The following GRIA4 variants were observed in gnomAD, a reference collection of about 807,000 sequenced individuals.
GRIA4 encodes the protein glutamate ionotropic receptor AMPA type subunit 4.
In GRIA4, 34 loss-of-function variants were observed where a neutral mutation model predicts 104.0. The ratio of observed to expected loss-of-function variants is 0.33; its 90% confidence interval spans 0.25 to 0.44. The LOEUF (loss-of-function observed/expected upper bound fraction) is 0.44. Among genes scored for constraint, GRIA4 ranks in the 20% least tolerant of loss-of-function variants. The pLI, the probability that GRIA4 is intolerant of heterozygous loss-of-function variation, is 1.00. For missense variants in GRIA4, 750 were observed against 1,096.5 expected (o/e 0.68, Z 4.46); for synonymous variants, 386 against 381.9 (o/e 1.01, Z -0.13).
rs527379427 is a variant in GRIA4 at position 105,628,219 on chromosome 11, G to T, written c.247+15785G>T. Reference sequence around the variant, plus strand: ...AATAATGATTTATGAACTTTCATGTGCATACCTTTGCCCACCATTATTTGC... The same window carrying T: ...AATAATGATTTATGAACTTTCATGTTCATACCTTTGCCCACCATTATTTGC... On this transcript the variant is annotated intron_variant, in intron 3 of 16. Coordinates refer to ENST00000282499, the MANE Select transcript of GRIA4 (RefSeq NM_000829.4). Among the ~76,000 whole-genome samples the T allele has an allele frequency of 5.3e-5, 8 of 152,196 alleles. No homozygotes were observed. In the East Asian group the frequency reaches 1.5e-3, roughly 29 times the overall value.
At chr11:105,652,310 C>G (rs1482740892) in intron 3 of GRIA4, among the ~76,000 whole-genome samples, 1 of 151,968 alleles carries the variant, frequency 6.6e-6, no homozygotes, top group African/African-American at 2.4e-5. Flanking sequence ...CAAGAACATA[C>G]CGAGAAAGAA....
At chr11:105,722,079 T>C (rs1161429728) in intron 3 of GRIA4, among the ~76,000 whole-genome samples, 2 of 152,186 alleles carry the variant, frequency 1.3e-5, no homozygotes, top group African/African-American at 4.8e-5. Flanking sequence ...GAAATCATGT[T>C]TTATATGTAA....
chr11:105,670,891 A>C (rs1451743456), intron 3 of GRIA4, among the ~76,000 whole-genome samples: 1 of 152,166 alleles, frequency 6.6e-6, no homozygotes, highest in Non-Finnish European at 1.5e-5. Context: ...ATAGATCAGT[A>C]AGGCTACATC....
intron 3 of GRIA4, among the ~76,000 whole-genome samples, chr11:105,727,071 GTAA>G (rs1938257533): frequency 6.6e-6 from 1 of 151,950 alleles, no homozygotes; most frequent in Non-Finnish European, 1.5e-5. Flanking sequence ...TAGAAGGTGG[GTAA>G]TAACAAACTC....
intron 4 of GRIA4, among the ~76,000 whole-genome samples, chr11:105,861,456 A>G (rs1171166192): frequency 6.6e-6 from 1 of 152,126 alleles, no homozygotes; most frequent in Non-Finnish European, 1.5e-5. Context: ...AGTCTATATC[A>G]TTCACCTGCT....
chr11:105,747,359 A>G (rs1591185518), intron 3 of GRIA4, among the ~76,000 whole-genome samples: 1 of 152,322 alleles, frequency 6.6e-6, no homozygotes, highest in East Asian at 1.9e-4. Flanking sequence ...TAGAACACAC[A>G]CAAAATAGTA....
intron 13 of GRIA4, among the ~76,000 whole-genome samples, chr11:105,932,579 T>G (rs938992411): frequency 2.0e-5 from 3 of 152,092 alleles, no homozygotes; most frequent in Non-Finnish European, 4.4e-5. Flanking sequence ...AATTAAGTAG[T>G]GAGAGTAATG....
rs117726620 is a variant in GRIA4, at chr11:105,968,342, C to T, written c.2295-3572C>T. Among the ~76,000 whole-genome samples, 1,023 of 152,296 alleles carry T rather than the reference C, an allele frequency of 6.7e-3. 7 individuals are homozygous for T. Among genetic ancestry groups the T allele is most frequent in the Non-Finnish European group, 0.012 (834 of 68,024 alleles). ...GTTTGAATGGGGCCATGTGCCAGTA[C>T]CTGTATAGAAACAGAATTACCACTG... On this transcript the variant is annotated intron_variant, in intron 14 of 16. Coordinates refer to ENST00000282499, the MANE Select transcript of GRIA4 (RefSeq NM_000829.4).
chr11:105,750,569 A>C (rs181348776), intron 3 of GRIA4, among the ~76,000 whole-genome samples: 37 of 152,264 alleles, frequency 2.4e-4, no homozygotes, highest in Admixed American at 4.6e-4. Flanking sequence ...ATATCAGAAA[A>C]TATTGTTTGT....
At chr11:105,814,695 C>T (rs1943307104) in intron 4 of GRIA4, among the ~76,000 whole-genome samples, 3 of 152,248 alleles carry the variant, frequency 2.0e-5, no homozygotes, top group South Asian at 2.1e-4. Flanking sequence ...GAATTGGCTA[C>T]ATTTTTTAGC....
chr11:105,751,484 C>T (rs1939994056), intron 3 of GRIA4, among the ~76,000 whole-genome samples: 1 of 152,162 alleles, frequency 6.6e-6, no homozygotes, highest in Non-Finnish European at 1.5e-5. Context: ...AAGAAAATTA[C>T]AGCCAGTCAC....
At chr11:105,869,525 C>T (rs933619793) in intron 5 of GRIA4, among the ~76,000 whole-genome samples, 2 of 152,084 alleles carry the variant, frequency 1.3e-5, no homozygotes, top group Non-Finnish European at 2.9e-5. Flanking sequence ...GAGAGGATAA[C>T]ATCATAATTA....
chr11:105,733,499 C>G (rs1938731879), intron 3 of GRIA4, among the ~76,000 whole-genome samples: 1 of 152,086 alleles, frequency 6.6e-6, no homozygotes, highest in Non-Finnish European at 1.5e-5. Context: ...CTCTGTCACC[C>G]AGGCTGGAGT....
chr11:105,941,639 TTTTC>T (rs1158054650), intron 14 of GRIA4, among the ~76,000 whole-genome samples: 1 of 152,148 alleles, frequency 6.6e-6, no homozygotes, highest in Non-Finnish European at 1.5e-5. Context: ...ATTCAATCTG[TTTTC>T]TTTAAGTGCT....
At chr11:105,873,623 A>C (rs1019225736) in intron 5 of GRIA4, among the ~76,000 whole-genome samples, 3 of 152,058 alleles carry the variant, frequency 2.0e-5, no homozygotes, top group East Asian at 1.9e-4. Context: ...TCTAACTGGC[A>C]TGAGATGGTA....
chr11:105,729,327 CCAA>C (rs1565497735), intron 3 of GRIA4, among the ~76,000 whole-genome samples: 1 of 152,104 alleles, frequency 6.6e-6, no homozygotes, highest in African/African-American at 2.4e-5. Flanking sequence ...CCTGAATAAA[CCAA>C]CAACAAGTTC....
intron 14 of GRIA4, among the ~76,000 whole-genome samples, chr11:105,967,609 G>T (rs1026838621): frequency 2.6e-5 from 4 of 150,948 alleles, no homozygotes; most frequent in African/African-American, 7.3e-5. Flanking sequence ...TAACAAGTAG[G>T]TTTCCAAAAT....
At chr11:105,891,848 G>T (rs1305569574) in intron 6 of GRIA4, among the ~76,000 whole-genome samples, 1 of 152,080 alleles carries the variant, frequency 6.6e-6, no homozygotes, top group Non-Finnish European at 1.5e-5. Flanking sequence ...CTGAAGGCAG[G>T]AACAATGTCC....
chr11:105,856,513 G>A (rs1945012698), intron 4 of GRIA4, among the ~76,000 whole-genome samples: 1 of 152,074 alleles, frequency 6.6e-6, no homozygotes, highest in African/African-American at 2.4e-5. Context: ...GTTTCCTGAA[G>A]CCTCCACACA....
Sources: allele counts gnomAD v4.1 joint callset (sites outside exome capture counted in the v4.1 genomes callset), GRCh38; gene constraint gnomAD v4.1.1; transcripts MANE v1.5; gene names NCBI Gene and HGNC (gene_info 2026-07-23, HGNC 2026-07-21).